Variants in CDCA7L observed in about 807,000 individuals in gnomAD.
The protein encoded by CDCA7L is cell division cycle associated 7 like, also known as cell division cycle-associated 7-like protein.
Under a neutral mutation model 57.4 loss-of-function variants are expected in CDCA7L, and 44 were observed. The observed-to-expected ratio is 0.77, with a 90% CI of 0.60 to 0.98. The LOEUF is 0.98. CDCA7L is among the 50% of genes least tolerant of loss of function. The probability of loss-of-function intolerance (pLI) is 0.00; values close to 1 mark genes in which losing one functional copy is unlikely to be tolerated. For missense variants in CDCA7L, 644 were observed against 580.6 expected (o/e 1.11, Z -1.12); for synonymous variants, 236 against 202.8 (o/e 1.16, Z -1.39).
chr7:21,906,344 G>C lies in CDCA7L; in HGVS notation c.866C>G (p.Ser289Ter). 6.2e-7 allele frequency: 1 copy of C among 1,613,044 alleles called. No homozygotes were observed. The highest frequency in any genetic ancestry group is 8.5e-7 in the Non-Finnish European group (1 of 1,179,418). The part of the protein sequence containing the change: ...EKFALENFTV[S>*]AAKFAEEFYS... ...AAACTCTTCCGCAAATTTAGCGGCT[G>C]AGACAGTGAAGTTCTCTAGAGCAAA... Residue 289 changes from serine to a stop codon, truncating the protein, a stop_gained, in exon 6 of 10, where the codon TCA (serine) becomes TGA (stop). Coordinates refer to ENST00000406877, the MANE Select transcript of CDCA7L (RefSeq NM_018719.5). LOFTEE classifies it high-confidence loss of function.
chr7:21,903,882 G>C (rs1299293168), intron 8 of CDCA7L: 1 of 408,458 alleles, frequency 2.4e-6, no homozygotes, highest in Admixed American at 4.2e-5. Context: ...GTTTTGCTCT[G>C]ACAATGGAAA....
At chr7:21,906,210 G>T in intron 6 of CDCA7L, 79 bp downstream of exon 6, 1 of 1,401,172 alleles carries the variant, frequency 7.1e-7, no homozygotes, top group Non-Finnish European at 9.7e-7. Context: ...ACCAGCCCTG[G>T]GGTGACAGTG....
intron 1 of CDCA7L, among the ~76,000 whole-genome samples, chr7:21,923,650 C>G (rs1185282353): frequency 6.6e-6 from 1 of 152,202 alleles, no homozygotes; most frequent in Non-Finnish European, 1.5e-5. Context: ...GAACCCAACT[C>G]TCTCACCTAA....
At position 21,905,649 on chromosome 7, in the gene CDCA7L, G is replaced by A. The variant is rs766377232; in HGVS notation, c.922-18C>T. On this transcript the variant is annotated intron_variant, in intron 6 of 9. Coordinates refer to ENST00000406877, the MANE Select transcript of CDCA7L (RefSeq NM_018719.5). ...CATTTCCCCTGCACAATGAACACAA[G>A]CAGAACATGGAGATGTGTTGAGCAG... 1.9e-6 allele frequency: 3 copies of A among 1,611,704 alleles called. No homozygotes were observed. Among genetic ancestry groups the A allele is most frequent in the Admixed American group, 3.3e-5 (2 of 59,852 alleles).
chr7:21,928,113 G>T (rs1208045378), intron 1 of CDCA7L, among the ~76,000 whole-genome samples: 1 of 152,174 alleles, frequency 6.6e-6, no homozygotes, highest in East Asian at 1.9e-4. Flanking sequence ...GCTTCCAGAG[G>T]AAGAAAACAG....
At chr7:21,933,141 T>C (rs1477425426) in intron 1 of CDCA7L, among the ~76,000 whole-genome samples, 2 of 152,010 alleles carry the variant, frequency 1.3e-5, no homozygotes, top group African/African-American at 4.8e-5. Flanking sequence ...CATTAAAAAG[T>C]CAGGAAACAA....
At chr7:21,931,375 G>A (rs10279310) in intron 1 of CDCA7L, among the ~76,000 whole-genome samples, 49,954 of 152,004 alleles carry the variant, frequency 0.33, 9,332 homozygotes, top group African/African-American at 0.52. Context: ...TTTCACATTG[G>A]CAATAAAATA....
At chr7:21,944,368 T>G (rs979737932) in intron 1 of CDCA7L, among the ~76,000 whole-genome samples, 1 of 143,676 alleles carries the variant, frequency 7.0e-6, no homozygotes, top group African/African-American at 2.6e-5. Flanking sequence ...GGAAAATTGC[T>G]TGAACCCGGG....
intron 1 of CDCA7L, among the ~76,000 whole-genome samples, chr7:21,919,620 G>A (rs1019864883): frequency 7.9e-5 from 12 of 152,132 alleles, no homozygotes; most frequent in African/African-American, 2.4e-4. Flanking sequence ...GTGACACCCT[G>A]AATTCAAATC....
At chr7:21,942,431 T>C (rs1417742435) in intron 1 of CDCA7L, among the ~76,000 whole-genome samples, 1 of 152,184 alleles carries the variant, frequency 6.6e-6, no homozygotes, top group Admixed American at 6.5e-5. Context: ...CTTATCTCTA[T>C]CCCTACCTAC....
intron 1 of CDCA7L, among the ~76,000 whole-genome samples, chr7:21,922,870 GGAT>G (rs143698185): frequency 1.1e-3 from 167 of 152,242 alleles, no homozygotes; most frequent in East Asian, 8.5e-3. Context: ...GCCACAACAT[GGAT>G]GAACTTTGAA....
At chr7:21,932,110 T>A (rs1786036939) in intron 1 of CDCA7L, among the ~76,000 whole-genome samples, 1 of 152,188 alleles carries the variant, frequency 6.6e-6, no homozygotes, top group Admixed American at 6.5e-5. Context: ...GTGAAGGATC[T>A]CTTTAAGGAA....
At position 21,901,412 on chromosome 7, in the gene CDCA7L, C is replaced by T. The variant is rs1784838598; in HGVS notation, c.*910G>A. 6 of 1,074,212 alleles carry T rather than the reference C, an allele frequency of 5.6e-6. No homozygotes were observed. The highest frequency in any genetic ancestry group is 7.4e-6 in the Non-Finnish European group (6 of 810,318). The allele number at this position is 1,074,212 out of a possible 1,614,324, so 66.5% of individuals were successfully genotyped here. A position where few individuals can be genotyped will look rare whatever the true frequency, so the allele number is the denominator to read the frequency against. ...TTAGAGTGAAAGTCAGAAAAAAATACTAGAAACTAACTCAGGGCTGAGCGT... is the reference window on the plus strand; with the variant it reads ...TTAGAGTGAAAGTCAGAAAAAAATATTAGAAACTAACTCAGGGCTGAGCGT... On this transcript the variant is annotated 3_prime_UTR_variant, in exon 10 of 10. Transcript: ENST00000406877.
intron 1 of CDCA7L, among the ~76,000 whole-genome samples, chr7:21,942,919 A>G (rs1443185189): frequency 1.3e-5 from 2 of 152,212 alleles, no homozygotes; most frequent in Non-Finnish European, 2.9e-5. Context: ...CAATACCAGA[A>G]AAATACCCCT....
At chr7:21,905,176 A>AC (rs1260834792) in intron 7 of CDCA7L, among the ~76,000 whole-genome samples, 1 of 152,106 alleles carries the variant, frequency 6.6e-6, no homozygotes, top group East Asian at 1.9e-4. Flanking sequence ...TGGTTATATT[A>AC]CCCCCCAAAT....
intron 1 of CDCA7L, among the ~76,000 whole-genome samples, chr7:21,929,886 C>T (rs933665727): frequency 1.3e-4 from 20 of 152,054 alleles, no homozygotes; most frequent in South Asian, 2.1e-4. Context: ...GACTTTAACA[C>T]GCCACTGTCA....
chr7:21,906,331 A>G lies in CDCA7L; in HGVS notation c.879T>C (p.Phe293=). The G allele has an allele frequency of 6.2e-7, 1 of 1,609,234 alleles. No homozygotes were observed. Among genetic ancestry groups the G allele is most frequent in the Non-Finnish European group, 8.5e-7 (1 of 1,178,324 alleles). ...LENFTVSAAK[F]AEEFYSFRRR... is the part of the protein sequence containing the mutation. ...TTCGGAAGCTGTAAAACTCTTCCGC[A>G]AATTTAGCGGCTGAGACAGTGAAGT... The change falls in exon 6 of 10, where the codon TTT becomes TTC. Residue 293 remains phenylalanine, a synonymous_variant. Coordinates refer to ENST00000406877, the MANE Select transcript of CDCA7L (RefSeq NM_018719.5).
At chr7:21,927,189 AACACTGGACTTACTAGACAG>A (rs1377231661) in intron 1 of CDCA7L, among the ~76,000 whole-genome samples, 10 of 152,356 alleles carry the variant, frequency 6.6e-5, no homozygotes, top group Admixed American at 3.9e-4. Flanking sequence ...CCCAGAGGAA[AACACTGGACTTACTAGACAG>A]ACACTGGACT....
intron 3 of CDCA7L, among the ~76,000 whole-genome samples, chr7:21,911,111 C>A (rs1785311440): frequency 6.9e-6 from 1 of 145,506 alleles, no homozygotes; most frequent in South Asian, 2.2e-4. Context: ...CTCACTGCAA[C>A]CTCTGCCTCC....
Sources: allele counts gnomAD v4.1 joint callset (sites outside exome capture counted in the v4.1 genomes callset), GRCh38; gene constraint gnomAD v4.1.1; transcripts MANE v1.5; gene names NCBI Gene and HGNC (gene_info 2026-07-23, HGNC 2026-07-21).